DNAH1: variants seen among roughly 807,000 people sequenced by gnomAD.
The protein encoded by DNAH1 is axonemal beta dynein heavy chain 1.
In DNAH1, 327 loss-of-function variants were observed where a neutral mutation model predicts 484.3. The ratio of observed to expected loss-of-function variants is 0.68; its 90% CI spans 0.62 to 0.74. The LOEUF is 0.74. Ranked by LOEUF, DNAH1 falls within the 30% of genes least tolerant of loss-of-function variation. The pLI, the probability that DNAH1 is intolerant of heterozygous loss-of-function variation, is 0.00. For synonymous variants in DNAH1, 2,192 were observed against 2,191.9 expected, an observed-to-expected ratio of 1.00 and a Z score of 0.00; for missense variants, 5,052 against 5,546.8, an observed-to-expected ratio of 0.91 and a Z score of 2.83.
chr3:52,364,871 G>A lies in DNAH1; in HGVS notation c.5370G>A (p.Val1790=). The change falls in exon 34 of 78, where the codon GTG becomes GTA. Residue 1790 remains valine, a synonymous_variant. Transcript: ENST00000420323. This position sits in a 1 kb window ranked among gnomAD's most constrained non-coding sequence, Gnocchi z 4.2. ...ICLRAIRDVN[V]PKFLQEDLKL... is the part of the protein sequence containing the mutation. Reference sequence around the variant, plus strand: ...TCCGGGCCATCCGTGATGTGAACGTGCCCAAGTTCCTGCAGGAGGACCTCA... The same window carrying A: ...TCCGGGCCATCCGTGATGTGAACGTACCCAAGTTCCTGCAGGAGGACCTCA... 1 of 1,613,972 alleles carries A rather than the reference G, an allele frequency of 6.2e-7. No individual in the cohort carries two copies. The highest frequency in any genetic ancestry group is 2.2e-5 in the East Asian group (1 of 44,890).
In DNAH1 at chr3:52,359,351, C is replaced by A. The variant is rs1702756027; in HGVS notation, c.4372C>A (p.Leu1458Ile). 1 of 1,571,260 alleles carries A rather than the reference C, an allele frequency of 6.4e-7. No individual in the cohort carries two copies. Among genetic ancestry groups the A allele is most frequent in the East Asian group, 2.4e-5 (1 of 42,474 alleles). Reference protein sequence around the residue: ...EVAEALEAGNLRSQLFPQLCQ... With the variant: ...EVAEALEAGNIRSQLFPQLCQ... ...GGCAGAGGCTCTGGAGGCCGGCAAC[C>A]TCAGAAGCCAACTGTTCCCCCAGCT... Residue 1458 changes from leucine (L) to isoleucine (I), a missense_variant, in exon 26 of 78, where the codon CTC (leucine) becomes ATC (isoleucine). Transcript: ENST00000420323.
chr3:52,360,247 A>T, intron 27 of DNAH1, 64 bp from the exon 28 acceptor site: 1 of 1,534,128 alleles, frequency 6.5e-7, no homozygotes, highest in Middle Eastern at 1.7e-4. Flanking sequence ...TCTCTCCTTG[A>T]CTATATACCC....
chr3:52,350,893 G>A lies in DNAH1; in HGVS notation c.2729+303G>A, dbSNP rs1161019422. ...AAACAGAGTTTTGCTTTGTCACCCA[G>A]GCTGGAGTGCAGTGGCACGATCTCA... On this transcript the variant is annotated intron_variant, in intron 16 of 77. Transcript: ENST00000420323. Among the ~76,000 whole-genome samples, 3 of 152,334 alleles carry A rather than the reference G, an allele frequency of 2.0e-5. No individual in the cohort carries two copies. In the East Asian group the frequency reaches 5.8e-4, roughly 29 times the overall value.
At position 52,358,531 on chromosome 3, in the gene DNAH1, C is replaced by T. The variant is rs893298077; in HGVS notation, c.4087-27C>T. 7 of 1,580,022 alleles carry T rather than the reference C, an allele frequency of 4.4e-6. No individual in the cohort carries two copies. In the African/African-American group the frequency reaches 8.1e-5, roughly 18 times the overall value. ...GGCATCTGGGCACACCAGGGTGACC[C>T]CACTCCTGCTCCTCCACTGCTTGCA... On this transcript the variant is annotated intron_variant, in intron 24 of 77. Transcript: ENST00000420323. This position sits in a 1 kb window ranked among gnomAD's most constrained non-coding sequence, Gnocchi z 4.2.
chr3:52,317,187 T>C (rs528525327), intron 1 of DNAH1, among the ~76,000 whole-genome samples: 1 of 152,358 alleles, frequency 6.6e-6, no homozygotes, highest in African/African-American at 2.4e-5. Flanking sequence ...CTAAGGACAG[T>C]CTGATACAAC....
Position 52,349,391 on chromosome 3 carries a change from G to A in DNAH1, c.2497G>A (p.Ala833Thr), listed in dbSNP as rs750619807. Reference sequence around the variant, plus strand: ...GGCCACTTCCGTGCTGGACATCCTTGCCAAGAACCTGCATAAGGAGGTGGA... The same window carrying A: ...GGCCACTTCCGTGCTGGACATCCTTACCAAGAACCTGCATAAGGAGGTGGA... ...ALATSVLDIL[A>T]KNLHKEVDSI... is the part of the protein sequence containing the mutation. Residue 833 changes from alanine to threonine, a missense_variant, in exon 14 of 78, where the codon GCC (alanine) becomes ACC (threonine). Physicochemically the swap from Ala to Thr is moderately conservative, Grantham distance 58. Coordinates refer to ENST00000420323, the MANE Select transcript of DNAH1 (RefSeq NM_015512.5). 2.0e-5 allele frequency: 33 copies of A among 1,613,812 alleles called. No individual in the cohort carries two copies. The highest frequency in any genetic ancestry group is 2.6e-5 in the Non-Finnish European group (31 of 1,179,896).
At chr3:52,313,089 T>G (rs1700847363), upstream of DNAH1, among the ~76,000 whole-genome samples, 1 of 152,148 alleles carries the variant, frequency 6.6e-6, no homozygotes, top group Non-Finnish European at 1.5e-5. Flanking sequence ...GCCTCGCCAG[T>G]GCCAGGCTCT....
chr3:52,370,271 C>A (rs1186133436), intron 39 of DNAH1, 42 bp downstream of exon 39: 9 of 1,600,726 alleles, frequency 5.6e-6, no homozygotes, highest in Non-Finnish European at 6.8e-6. Flanking sequence ...TGGTCCCTCT[C>A]CCCACACTGC....
Position 52,395,130 on chromosome 3 carries a change from G to C in DNAH1, c.10968+71G>C. ...CACCCTGGGTCCCAGGGCCCTGGCT[G>C]CATCTGGATAGACTACTTGGCCAGG... On this transcript the variant is annotated intron_variant, in intron 68 of 77. Coordinates refer to ENST00000420323, the MANE Select transcript of DNAH1 (RefSeq NM_015512.5). This position sits in a 1 kb window ranked among gnomAD's most constrained non-coding sequence, Gnocchi z 4.4. 1 of 1,542,742 alleles carries C rather than the reference G, an allele frequency of 6.5e-7. No individual in the cohort carries two copies. Among genetic ancestry groups the C allele is most frequent in the South Asian group, 1.2e-5 (1 of 81,776 alleles).
At chr3:52,392,809 C>G (rs776107873) in intron 64 of DNAH1, 21 bp from the exon 65 acceptor site, 1 of 605,332 alleles carries the variant, frequency 1.7e-6, no homozygotes, top group South Asian at 1.4e-5. Flanking sequence ...TGACCCCTCC[C>G]CCCACCCACT....
chr3:52,326,303 T>A lies in DNAH1; in HGVS notation c.570T>A (p.Ile190=). ...QVLPGQHPRK[I]EIERRKQQYL... The stretch of plus-strand genomic sequence containing the variant: ...TGCCAGGCCAGCATCCTCGCAAGAT[T>A]GAGATCGAGAGGTACGGCTGGGTGG... Residue 190 remains isoleucine (I), a synonymous_variant, in exon 4 of 78, where the codon ATT becomes ATA. Coordinates refer to ENST00000420323, the MANE Select transcript of DNAH1 (RefSeq NM_015512.5). The A allele has an allele frequency of 6.2e-7, 1 of 1,607,034 alleles. No individual in the cohort carries two copies. Among genetic ancestry groups the A allele is most frequent in the South Asian group, 1.1e-5 (1 of 90,990 alleles).
In DNAH1 at chr3:52,326,318, CGGCTGGGTG is replaced by C; in HGVS notation, c.581+10_581+18del. The C allele has an allele frequency of 6.2e-7, 1 of 1,602,460 alleles. No individual in the cohort carries two copies. Among genetic ancestry groups the C allele is most frequent in the Non-Finnish European group, 8.5e-7 (1 of 1,178,846 alleles). On this transcript the variant is annotated splice_donor_5th_base_variant and intron_variant, in intron 4 of 77. Transcript: ENST00000420323. ...CTCGCAAGATTGAGATCGAGAGGTA[CGGCTGGGTG>C]GGCTGTGGGGAGACTGTCGGGGAGG...
At chr3:52,400,018 T>C (rs1199128903) in intron 77 of DNAH1, among the ~76,000 whole-genome samples, 1 of 152,166 alleles carries the variant, frequency 6.6e-6, no homozygotes, top group Non-Finnish European at 1.5e-5. Context: ...CCCAAGAGCC[T>C]ACAAGCCCCA....
rs1348341570 is a variant in DNAH1 at position 52,326,171 on chromosome 3, G to A, written c.438G>A (p.Gln146=). The part of the protein sequence containing the change: ...VGSFEVPEDF[Q]ERMEQQCIGS... ...GCTTTGAGGTTCCTGAAGACTTCCAGGAGCGCATGGAGCAGCAGTGCATCG... is the reference window on the plus strand; with the variant it reads ...GCTTTGAGGTTCCTGAAGACTTCCAAGAGCGCATGGAGCAGCAGTGCATCG... The change falls in exon 4 of 78, where the codon CAG becomes CAA. Residue 146 remains glutamine (Q), a synonymous_variant. Coordinates refer to ENST00000420323, the MANE Select transcript of DNAH1 (RefSeq NM_015512.5). 6.2e-7 allele frequency: 1 copy of A among 1,611,616 alleles called. No homozygotes were observed. The highest frequency in any genetic ancestry group is 1.3e-5 in the African/African-American group (1 of 74,902).
In DNAH1 at chr3:52,358,284, T is replaced by C. The variant is rs1702702602; in HGVS notation, c.4087-274T>C. 6.6e-6 allele frequency among the ~76,000 whole-genome samples: 1 copy of C among 152,312 alleles called. No homozygotes were observed. Among genetic ancestry groups the C allele is most frequent in the African/African-American group, 2.4e-5 (1 of 41,574 alleles). On this transcript the variant is annotated intron_variant, in intron 24 of 77. Coordinates refer to ENST00000420323, the MANE Select transcript of DNAH1 (RefSeq NM_015512.5). This position sits in a 1 kb window ranked among gnomAD's most constrained non-coding sequence, Gnocchi z 4.2. ...CTGTGGCCTGCCTTGTCTTCCCTCA[T>C]CTATGCAGGAGGCCGGGGACATGCA...
In DNAH1 at chr3:52,349,975, C is replaced by T. The variant is rs974271195; in HGVS notation, c.2527-14C>T. ...CAGCATGCTGCCCTCCCCAGCGCCT[C>T]CTCCCACTGCCAGATCTGCGAGGAG... On this transcript the variant is annotated splice_polypyrimidine_tract_variant and intron_variant, in intron 14 of 77. Transcript: ENST00000420323. 7.5e-6 allele frequency: 12 copies of T among 1,599,902 alleles called. No homozygotes were observed. In the African/African-American group the frequency reaches 1.2e-4, roughly 16 times the overall value.
intron 74 of DNAH1, 43 bp downstream of exon 74, chr3:52,397,920 G>A: frequency 6.3e-7 from 1 of 1,576,432 alleles, no homozygotes; most frequent in African/African-American, 1.3e-5. Context: ...TGGACGGGCT[G>A]GGCTTCACCA....
chr3:52,327,999 G>T lies in DNAH1; in HGVS notation c.856G>T (p.Asp286Tyr), dbSNP rs762043332. ...VPGKALLPTD[D>Y]FLGHEDPKSQ... ...GGGAAAAGCCCTCTTGCCCACTGAT[G>T]ACTTCCTGGGGCATGGTGAGCAAGG... is the stretch of plus-strand genomic sequence containing the variant. The change falls in exon 6 of 78, where the codon GAC (aspartate) becomes TAC (tyrosine). Residue 286 changes from aspartate to tyrosine, a missense_variant. Physicochemically the swap from Asp to Tyr is radical, Grantham distance 160. Transcript: ENST00000420323. 5 of 1,613,760 alleles carry T rather than the reference G, an allele frequency of 3.1e-6. No individual in the cohort carries two copies. In the Admixed American group the frequency reaches 6.7e-5, roughly 22 times the overall value.
chr3:52,334,375 G>A (rs1701662249), intron 8 of DNAH1, among the ~76,000 whole-genome samples: 2 of 152,224 alleles, frequency 1.3e-5, no homozygotes, highest in South Asian at 2.1e-4. Context: ...AGTGAGTGGT[G>A]ACTGAACGTG....
Sources: gnomAD v4.1 joint callset for allele counts (sites outside exome capture counted in the v4.1 genomes callset) on GRCh38, gnomAD v4.1.1 for gene constraint, Gnocchi (gnomAD v3.1) non-coding constraint, MANE v1.5 for transcripts, NCBI Gene and HGNC (gene_info 2026-07-23, HGNC 2026-07-21) for gene names.